Variants in APOL3 observed in about 807,000 individuals in gnomAD.
APOL3 encodes apolipoprotein L3.
APOL3 carries 14 observed loss-of-function variants against 11.6 expected under a neutral mutation model. The observed-to-expected ratio is 1.21, with a 90% CI of 0.80 to 1.89. APOL3 has a LOEUF of 1.89. Ranked by LOEUF, APOL3 falls within the 40% of genes most tolerant of loss-of-function variation. The pLI, the probability that APOL3 is intolerant of heterozygous loss-of-function variation, is 0.00. For missense variants in APOL3, 483 were observed against 492.1 expected, an observed-to-expected ratio of 0.98 and a Z score of 0.17; for synonymous variants, 192 against 190.6, an observed-to-expected ratio of 1.01 and a Z score of -0.06.
chr22:36,145,886 G>T (rs888314615), intron 1 of APOL3, among the ~76,000 whole-genome samples: 1 of 151,336 alleles, frequency 6.6e-6, no homozygotes, highest in Non-Finnish European at 1.5e-5. Flanking sequence ...CTAGTTAAAA[G>T]AAAAAAAAGA....
chr22:36,161,193 G>GTTGTT (rs549673349), upstream of APOL3, among the ~76,000 whole-genome samples: 510 of 152,178 alleles, frequency 3.4e-3, no homozygotes, highest in Non-Finnish European at 5.5e-3. Flanking sequence ...GGGTTATTTT[G>GTTGTT]TTGTTTTGTT....
intron 1 of APOL3, 57 bp downstream of exon 2, chr22:36,148,989 C>T (rs2060326070): frequency 7.4e-7 from 1 of 1,356,572 alleles, no homozygotes; most frequent in South Asian, 1.1e-5. Flanking sequence ...GGAAACGCCA[C>T]CCTCCATTCT....
chr22:36,163,600 G>A (rs955157391), upstream of APOL3, among the ~76,000 whole-genome samples: 11 of 152,174 alleles, frequency 7.2e-5, no homozygotes, highest in Admixed American at 2.6e-4. Flanking sequence ...TGTAGGAAGG[G>A]GTCTCCATGC....
chr22:36,149,302 A>G (rs1288566003), intron 1 of APOL3, 160 bp from the exon 2 acceptor site: 123 of 1,305,800 alleles, frequency 9.4e-5, no homozygotes, highest in Non-Finnish European at 1.2e-4. Context: ...GCCAGCTGGT[A>G]TTTAGAGAAA....
At chr22:36,149,169 G>A in intron 1 of APOL3, 27 bp from the exon 2 acceptor site, 1 of 1,350,016 alleles carries the variant, frequency 7.4e-7, no homozygotes, top group Non-Finnish European at 9.9e-7. Flanking sequence ...CAAATTGTGG[G>A]ACTGAATGTG....
chr22:36,163,191 G>A (rs2013775747), upstream of APOL3, among the ~76,000 whole-genome samples: 1 of 152,220 alleles, frequency 6.6e-6, no homozygotes, highest in African/African-American at 2.4e-5. Context: ...TGGCCACAGA[G>A]CCAGGAATCA....
intron 2 of APOL3, among the ~76,000 whole-genome samples, chr22:36,142,765 GA>G (rs1036221732): frequency 6.6e-6 from 1 of 152,156 alleles, no homozygotes; most frequent in African/African-American, 2.4e-5. Flanking sequence ...CATAGGTTGA[GA>G]AAGACTTTCT....
upstream of APOL3, among the ~76,000 whole-genome samples, chr22:36,162,314 A>G (rs1453015734): frequency 6.6e-6 from 1 of 152,244 alleles, no homozygotes; most frequent in Admixed American, 6.5e-5. Context: ...ACTAGGGCAC[A>G]GGTGGAAATT....
chr22:36,149,709 C>A, intron 1 of APOL3: 1 of 378,820 alleles, frequency 2.6e-6, no homozygotes, highest in Non-Finnish European at 5.3e-6. Flanking sequence ...GATTCAAATC[C>A]CATGTCTTCC....
intron 1 of APOL3, among the ~76,000 whole-genome samples, chr22:36,155,381 T>C (rs1053382381): frequency 3.9e-5 from 6 of 152,202 alleles, no homozygotes; most frequent in African/African-American, 1.4e-4. Flanking sequence ...AGGTCATGTG[T>C]AGAAGCATCC....
chr22:36,154,036 G>A (rs1220826468), intron 1 of APOL3, among the ~76,000 whole-genome samples: 1 of 152,216 alleles, frequency 6.6e-6, no homozygotes, highest in Non-Finnish European at 1.5e-5. Flanking sequence ...AGGTTGTGGA[G>A]ACCAAAGTTT....
chr22:36,156,342 CTGCATTAGCCTTCG>C (rs967439914), intron 1 of APOL3, among the ~76,000 whole-genome samples: 1 of 152,138 alleles, frequency 6.6e-6, no homozygotes, highest in Non-Finnish European at 1.5e-5. Context: ...AGGGATCCTC[CTGCATTAGCCTTCG>C]TGCATTAGCA....
intron 1 of APOL3, chr22:36,159,554 CAT>C (rs1382395318): frequency 6.6e-6 from 1 of 152,254 alleles, no homozygotes; most frequent in East Asian, 1.9e-4. Context: ...CTTTTAATCT[CAT>C]GATTGTCAAG....
intron 2 of APOL3, among the ~76,000 whole-genome samples, chr22:36,143,772 C>T (rs964531471): frequency 5.1e-4 from 77 of 152,204 alleles, no homozygotes; most frequent in African/African-American, 1.8e-3. Flanking sequence ...CAAACTAATG[C>T]CTTAGCAGGT....
chr22:36,164,597 A>T (rs1256506395), upstream of APOL3: 1 of 152,230 alleles, frequency 6.6e-6, no homozygotes, highest in Non-Finnish European at 1.5e-5. Flanking sequence ...CATACCTGAT[A>T]TTCTAATTCT....
At chr22:36,162,402 A>G (rs1005930398), upstream of APOL3, among the ~76,000 whole-genome samples, 4 of 152,206 alleles carry the variant, frequency 2.6e-5, no homozygotes, top group African/African-American at 7.2e-5. Context: ...TCATTATAAT[A>G]AAATGTGGTT....
intron 1 of APOL3, chr22:36,154,547 TC>T (rs1462424292): frequency 6.5e-6 from 3 of 461,534 alleles, no homozygotes; most frequent in Non-Finnish European, 1.3e-5. Flanking sequence ...ATGTTCCTGT[TC>T]GTAAGTGTTG....
chr22:36,149,514 A>G (rs1290745785), intron 1 of APOL3: 2 of 647,176 alleles, frequency 3.1e-6, no homozygotes, highest in Middle Eastern at 5.5e-4. Context: ...GTGATAACTA[A>G]TTGATAATAG....
At chr22:36,142,962 G>T (rs564275161) in intron 2 of APOL3, among the ~76,000 whole-genome samples, 40 of 152,144 alleles carry the variant, frequency 2.6e-4, no homozygotes, top group African/African-American at 8.4e-4. Flanking sequence ...GTCTTCACCC[G>T]CTCCTTACCT....
Sources: gnomAD v4.1 joint callset for allele counts (sites outside exome capture counted in the v4.1 genomes callset) on GRCh38, gnomAD v4.1.1 for gene constraint, MANE v1.5 for transcripts, NCBI Gene and HGNC (gene_info 2026-07-23, HGNC 2026-07-21) for gene names.